The following SCLT1 variants were observed in gnomAD, a reference collection of about 807,000 sequenced individuals.
SCLT1 encodes the protein sodium channel-associated protein 1.
SCLT1 carries 78 observed loss-of-function variants against 112.8 expected under a neutral mutation model. The ratio of observed to expected loss-of-function variants is 0.69; its 90% CI spans 0.58 to 0.83. The LOEUF (loss-of-function observed/expected upper bound fraction) is 0.83, where lower values mean the gene tolerates loss of function less well. Among genes scored for constraint, SCLT1 ranks in the 40% least tolerant of loss-of-function variants. The pLI, the probability that SCLT1 is intolerant of heterozygous loss-of-function variation, is 0.00. For synonymous variants in SCLT1, 257 were observed against 254.7 expected, an observed-to-expected ratio of 1.01 and a Z score of -0.09; for missense variants, 747 against 770.4, an observed-to-expected ratio of 0.97 and a Z score of 0.36.
At chr4:129,070,097 C>T (rs1379731713) in intron 2 of SCLT1, among the ~76,000 whole-genome samples, 2 of 152,148 alleles carry the variant, frequency 1.3e-5, no homozygotes, top group African/African-American at 4.8e-5. Context: ...TGCAGCCCTG[C>T]TCTAAAACCC....
In SCLT1 at chr4:129,019,598, C is replaced by A. The variant is rs1415135330; in HGVS notation, c.291-15722G>T. Among the ~76,000 whole-genome samples the A allele has an allele frequency of 5.3e-5, 8 of 152,020 alleles. No individual in the cohort carries two copies. In the East Asian group the frequency reaches 1.2e-3, roughly 22 times the overall value. On this transcript the variant is annotated intron_variant, in intron 5 of 20. Transcript: ENST00000281142. ...TGGTTAATTCCCATAGGAAGGCAGG[C>A]ACCCCAGCAGCCATTTGCACCCTGC...
chr4:128,969,338 T>A (rs1474901681), intron 10 of SCLT1, among the ~76,000 whole-genome samples: 2 of 152,110 alleles, frequency 1.3e-5, no homozygotes, highest in East Asian at 3.9e-4. Context: ...TTTGGGAGGC[T>A]GAGGCAGGCA....
chr4:129,041,474 T>C (rs955960688), intron 4 of SCLT1, among the ~76,000 whole-genome samples: 1 of 152,198 alleles, frequency 6.6e-6, no homozygotes, highest in Non-Finnish European at 1.5e-5. Context: ...AAGCATTATG[T>C]GTTCTTTTAG....
chr4:128,885,791 A>AC (rs1357210751), intron 20 of SCLT1, among the ~76,000 whole-genome samples: 1 of 152,254 alleles, frequency 6.6e-6, no homozygotes, highest in African/African-American at 2.4e-5. Flanking sequence ...AAGTGCCAGC[A>AC]CAATGCATTT....
intron 20 of SCLT1, among the ~76,000 whole-genome samples, chr4:128,888,067 C>T (rs746663140): frequency 6.6e-6 from 1 of 152,144 alleles, no homozygotes; most frequent in Non-Finnish European, 1.5e-5. Context: ...ATAGCCCTAG[C>T]TACATACAGC....
intron 20 of SCLT1, 23 bp from the exon 21 acceptor site, chr4:128,884,562 GTAAGTAGT>G (rs762225382): frequency 5.4e-6 from 8 of 1,479,370 alleles, no homozygotes; most frequent in Non-Finnish European, 7.5e-6. Context: ...TAAACAATCG[GTAAGTAGT>G]TACTTTTTCT....
intron 5 of SCLT1, among the ~76,000 whole-genome samples, chr4:129,030,261 A>G (rs984320802): frequency 1.3e-5 from 2 of 152,186 alleles, no homozygotes; most frequent in Non-Finnish European, 2.9e-5. Flanking sequence ...CTTTGAAACC[A>G]ATGAGAACAA....
At chr4:129,064,394 T>C (rs954512667) in intron 2 of SCLT1, among the ~76,000 whole-genome samples, 10 of 152,152 alleles carry the variant, frequency 6.6e-5, no homozygotes, top group African/African-American at 2.4e-4. Flanking sequence ...AAAATTCTTT[T>C]TCTAGCTCTA....
At chr4:129,072,648 T>C (rs996009477) in intron 2 of SCLT1, among the ~76,000 whole-genome samples, 1 of 138,814 alleles carries the variant, frequency 7.2e-6, no homozygotes, top group Admixed American at 7.4e-5. Flanking sequence ...GTCTCCCGAA[T>C]TTTTTATTGT....
intron 4 of SCLT1, chr4:129,039,899 C>T (rs943985103): frequency 4.6e-4 from 42 of 91,782 alleles, no homozygotes; most frequent in African/African-American, 2.5e-3. Flanking sequence ...TGTGCGCGCG[C>T]GCACACACAC....
intron 5 of SCLT1, among the ~76,000 whole-genome samples, chr4:129,036,435 G>A (rs776159082): frequency 6.6e-6 from 1 of 151,970 alleles, no homozygotes; most frequent in Non-Finnish European, 1.5e-5. Flanking sequence ...CTTTATCTAA[G>A]TATATTGGTG....
chr4:129,043,692 T>G (rs1301907297), intron 3 of SCLT1, among the ~76,000 whole-genome samples: 1 of 152,210 alleles, frequency 6.6e-6, no homozygotes, highest in Non-Finnish European at 1.5e-5. Flanking sequence ...TGAAGGATGT[T>G]TAACAGCATA....
At chr4:128,940,949 A>T (rs1579443461) in intron 17 of SCLT1, among the ~76,000 whole-genome samples, 2 of 152,260 alleles carry the variant, frequency 1.3e-5, no homozygotes, top group African/African-American at 4.8e-5. Flanking sequence ...CTGCACGTTC[A>T]CTTAGAGATA....
intron 18 of SCLT1, among the ~76,000 whole-genome samples, chr4:128,909,918 G>A (rs539042098): frequency 6.6e-6 from 1 of 152,234 alleles, no homozygotes; most frequent in African/African-American, 2.4e-5. Flanking sequence ...AAGTAGGCAG[G>A]GCCAGTATAC....
chr4:129,016,075 A>G (rs557500204), intron 5 of SCLT1, among the ~76,000 whole-genome samples: 1 of 152,040 alleles, frequency 6.6e-6, no homozygotes, highest in African/African-American at 2.4e-5. Flanking sequence ...TCAGTTCTAG[A>G]ATGTTTTTTT....
intron 18 of SCLT1, among the ~76,000 whole-genome samples, chr4:128,906,445 G>A (rs192548793): frequency 1.3e-3 from 191 of 152,188 alleles, no homozygotes; most frequent in Non-Finnish European, 1.4e-3. Flanking sequence ...TGATCCGCCC[G>A]CTTCGGCCTC....
At chr4:128,958,610 T>C (rs1283716951) in intron 12 of SCLT1, among the ~76,000 whole-genome samples, 2 of 152,172 alleles carry the variant, frequency 1.3e-5, no homozygotes, top group African/African-American at 2.4e-5. Context: ...CTCATACAAG[T>C]AGGCTTCAGA....
chr4:129,020,035 A>T, intron 5 of SCLT1, among the ~76,000 whole-genome samples: 1 of 152,156 alleles, frequency 6.6e-6, no homozygotes, highest in East Asian at 1.9e-4. Context: ...ATTTTATATC[A>T]TCTGGTCCCT....
intron 2 of SCLT1, among the ~76,000 whole-genome samples, chr4:129,053,846 T>C (rs1749089253): frequency 6.6e-6 from 1 of 152,066 alleles, no homozygotes; most frequent in South Asian, 2.1e-4. Context: ...TTCTTCATAG[T>C]GTCAATGGTC....
Sources: allele counts gnomAD v4.1 joint callset (sites outside exome capture counted in the v4.1 genomes callset), GRCh38; gene constraint gnomAD v4.1.1; transcripts MANE v1.5; gene names NCBI Gene and HGNC (gene_info 2026-07-23, HGNC 2026-07-21).